KIAA0825: variants seen among roughly 807,000 people sequenced by gnomAD.
KIAA0825 encodes KIAA0825.
KIAA0825 carries 119 observed loss-of-function variants against 147.6 expected under a neutral mutation model. The ratio of observed to expected loss-of-function variants is 0.81; its 90% CI spans 0.69 to 0.94. KIAA0825 has a LOEUF of 0.94. KIAA0825 is among the 40% of genes least tolerant of loss of function. The probability of loss-of-function intolerance (pLI) is 0.00; values close to 1 mark genes in which losing one functional copy is unlikely to be tolerated. For missense variants in KIAA0825, 1,381 were observed against 1,472.7 expected (o/e 0.94, Z 1.02); for synonymous variants, 470 against 518.1 (o/e 0.91, Z 1.26).
rs559011081 is a variant in KIAA0825, at chr5:94,329,117, A to G, written c.3710+55251T>C. ...ATTTTGCCACATTACCTCAGTATTT[A>G]TTAAAGTTATTTTGTTTTCTGAAGG... On this transcript the variant is annotated intron_variant, in intron 20 of 20. Transcript: ENST00000682413. Among the ~76,000 whole-genome samples, 274 of 152,228 alleles carry G rather than the reference A, an allele frequency of 1.8e-3. 2 individuals carry two copies. The highest frequency in any genetic ancestry group is 2.8e-3 in the Non-Finnish European group (190 of 67,958).
intron 20 of KIAA0825, among the ~76,000 whole-genome samples, chr5:94,355,909 A>G (rs1384378752): frequency 1.3e-5 from 2 of 152,204 alleles, no homozygotes; most frequent in African/African-American, 2.4e-5. Context: ...AGTAGGTGAA[A>G]ACTAGTAAGA....
At chr5:94,300,884 A>C (rs975571828) in intron 20 of KIAA0825, among the ~76,000 whole-genome samples, 3 of 152,134 alleles carry the variant, frequency 2.0e-5, no homozygotes, top group African/African-American at 7.2e-5. Flanking sequence ...AAAAAGGGAG[A>C]CATCAATGCT....
intron 5 of KIAA0825, among the ~76,000 whole-genome samples, chr5:94,487,082 T>G (rs993480070): frequency 2.0e-5 from 3 of 152,180 alleles, no homozygotes; most frequent in African/African-American, 7.2e-5. Flanking sequence ...TGCTTGCTAC[T>G]TGCTGACAAT....
rs1307590719 is a variant in KIAA0825 at position 94,480,601 on chromosome 5, AC to A, written c.1133-3397del. On this transcript the variant is annotated intron_variant, in intron 6 of 20. Coordinates refer to ENST00000682413, the MANE Select transcript of KIAA0825 (RefSeq NM_001145678.3). ...ATTGTGTAGCTATAGTTTAAGACTT[AC>A]GGAAAAAGTTAATTATCTTGTATTT... 3.9e-5 allele frequency among the ~76,000 whole-genome samples: 6 copies of A among 152,084 alleles called. No homozygotes were observed. The South Asian group carries it at 1.2e-3, about 32-fold the overall frequency.
chr5:94,299,478 G>C (rs1046279836), intron 20 of KIAA0825, among the ~76,000 whole-genome samples: 1 of 151,828 alleles, frequency 6.6e-6, no homozygotes, highest in South Asian at 2.1e-4. Context: ...GTCTCCCAAA[G>C]TGCTGAGATT....
chr5:94,201,653 T>A (rs1237029944), intron 20 of KIAA0825, among the ~76,000 whole-genome samples: 1 of 151,976 alleles, frequency 6.6e-6, no homozygotes, highest in Non-Finnish European at 1.5e-5. Flanking sequence ...ATTGCTATGT[T>A]ACCCAGTCTG....
intron 8 of KIAA0825, among the ~76,000 whole-genome samples, chr5:94,472,241 G>T (rs1019279574): frequency 6.6e-6 from 1 of 152,058 alleles, no homozygotes; most frequent in Non-Finnish European, 1.5e-5. Context: ...CTTATTGGTA[G>T]GGTGTCAGCA....
intron 20 of KIAA0825, among the ~76,000 whole-genome samples, chr5:94,282,183 A>G (rs1201858481): frequency 6.6e-6 from 1 of 152,158 alleles, no homozygotes; most frequent in Non-Finnish European, 1.5e-5. Context: ...GCCATTTAAA[A>G]TGATTTAAAA....
At chr5:94,224,110 T>G in intron 20 of KIAA0825, among the ~76,000 whole-genome samples, 1 of 121,456 alleles carries the variant, frequency 8.2e-6, no homozygotes, top group East Asian at 2.3e-4. Flanking sequence ...TTTTTTTTTT[T>G]TGAGAAAGAG....
At chr5:94,414,571 T>C (rs940817342) in intron 15 of KIAA0825, 2 of 152,142 alleles carry the variant, frequency 1.3e-5, no homozygotes, top group African/African-American at 2.4e-5. Flanking sequence ...GTCTAAAGAG[T>C]TATGTGTTAG....
chr5:94,233,738 C>T (rs1218705792), intron 20 of KIAA0825, among the ~76,000 whole-genome samples: 2 of 152,126 alleles, frequency 1.3e-5, no homozygotes, highest in African/African-American at 4.8e-5. Context: ...CCTCCAGAAA[C>T]AAAAGTGATA....
chr5:94,475,785 G>A (rs1761818771), intron 7 of KIAA0825, among the ~76,000 whole-genome samples: 1 of 151,950 alleles, frequency 6.6e-6, no homozygotes, highest in Admixed American at 6.6e-5. Flanking sequence ...CTCCAGCACG[G>A]GTGACAGAGT....
chr5:94,264,047 C>A (rs1776626305), intron 20 of KIAA0825, among the ~76,000 whole-genome samples: 2 of 152,272 alleles, frequency 1.3e-5, no homozygotes. Flanking sequence ...TATCACAGTG[C>A]CCTTGCCAGT....
At chr5:94,467,809 G>C (rs1760735451) in intron 10 of KIAA0825, among the ~76,000 whole-genome samples, 2 of 152,114 alleles carry the variant, frequency 1.3e-5, no homozygotes, top group Admixed American at 1.3e-4. Flanking sequence ...CTCAAAGCAG[G>C]CCTGCCAAAA....
chr5:94,541,077 G>C (rs1207845516), intron 2 of KIAA0825, among the ~76,000 whole-genome samples: 1 of 152,166 alleles, frequency 6.6e-6, no homozygotes, highest in African/African-American at 2.4e-5. Flanking sequence ...ATTTATGAAA[G>C]GGAATTTATG....
At chr5:94,614,479 A>G (rs964784903) in intron 1 of KIAA0825, among the ~76,000 whole-genome samples, 1 of 152,230 alleles carries the variant, frequency 6.6e-6, no homozygotes, top group East Asian at 1.9e-4. Context: ...GCCCACAGTT[A>G]TCTACAGCTT....
At position 94,520,724 on chromosome 5, in the gene KIAA0825, C is replaced by A; in HGVS notation, c.494G>T (p.Arg165Ile). 1 of 1,613,354 alleles carries A rather than the reference C, an allele frequency of 6.2e-7. No homozygotes were observed. The highest frequency in any genetic ancestry group is 1.1e-5 in the South Asian group (1 of 91,054). The change falls in exon 5 of 21, where the codon AGA (arginine) becomes ATA (isoleucine). Residue 165 changes from arginine to isoleucine, a missense_variant. Transcript: ENST00000682413. ...MDVKSMWDDI[R>I]LHLRRFLVSK... Reference sequence around the variant, plus strand: ...CACTAAGAAGCGTCGAAGATGCAGTCTTATATCATCCCACATAGACTTGAC... The same window carrying A: ...CACTAAGAAGCGTCGAAGATGCAGTATTATATCATCCCACATAGACTTGAC...
chr5:94,354,189 G>A (rs1784003647), intron 20 of KIAA0825, among the ~76,000 whole-genome samples: 1 of 152,100 alleles, frequency 6.6e-6, no homozygotes. Flanking sequence ...GAATTCCCAG[G>A]AGAACATTGG....
intron 20 of KIAA0825, among the ~76,000 whole-genome samples, chr5:94,166,552 G>C (rs987643226): frequency 7.7e-6 from 1 of 130,428 alleles, no homozygotes; most frequent in Admixed American, 9.8e-5. Context: ...CTGTCACCCA[G>C]TCTGGAGTGC....
Sources: allele counts gnomAD v4.1 joint callset (sites outside exome capture counted in the v4.1 genomes callset), GRCh38; gene constraint gnomAD v4.1.1; transcripts MANE v1.5; gene names NCBI Gene and HGNC (gene_info 2026-07-23, HGNC 2026-07-21).